NAMPT: variants seen among roughly 807,000 people sequenced by gnomAD.
NAMPT encodes the protein nicotinamide phosphoribosyltransferase.
In NAMPT, 7 loss-of-function variants were observed where a neutral mutation model predicts 58.7. The ratio of observed to expected loss-of-function variants is 0.12; its 90% confidence interval spans 0.07 to 0.22. The LOEUF is 0.22. Among genes scored for constraint, NAMPT ranks in the 10% least tolerant of loss-of-function variants. NAMPT has a pLI of 1.00. For synonymous variants in NAMPT, 145 were observed against 198.1 expected (o/e 0.73, Z 2.25); for missense variants, 271 against 567.9 (o/e 0.48, Z 5.31).
intron 1 of NAMPT, among the ~76,000 whole-genome samples, chr7:106,281,112 A>G (rs1450344089): frequency 1.3e-5 from 2 of 151,004 alleles, no homozygotes; most frequent in African/African-American, 2.4e-5. Flanking sequence ...TCTAGCCCTA[A>G]GTCAAATGAT....
intron 8 of NAMPT, among the ~76,000 whole-genome samples, chr7:106,260,819 C>G (rs554705260): frequency 1.3e-5 from 2 of 152,326 alleles, no homozygotes; most frequent in African/African-American, 4.8e-5. Context: ...GTGAAGGAGT[C>G]ACAACACACA....
intron 8 of NAMPT, among the ~76,000 whole-genome samples, chr7:106,259,686 G>A (rs917265733): frequency 7.9e-5 from 12 of 152,110 alleles, no homozygotes; most frequent in Admixed American, 4.6e-4. Context: ...GTCTCCCAAA[G>A]TGTGGGATTA....
rs763113727 is a variant in NAMPT, at chr7:106,261,543, A to G, written c.1089+45T>C. The G allele has an allele frequency of 1.7e-5, 23 of 1,392,586 alleles. No homozygotes were observed. In the Admixed American group the frequency reaches 2.0e-4, roughly 12 times the overall value. The allele number at this position is 1,392,586 out of a possible 1,614,324, so 86.3% of individuals were successfully genotyped here. A position where few individuals can be genotyped will look rare whatever the true frequency, so the allele number is the denominator to read the frequency against. On this transcript the variant is annotated intron_variant, in intron 8 of 10. Coordinates refer to ENST00000222553, the MANE Select transcript of NAMPT (RefSeq NM_005746.3). ...TCTTTATCAAACATAAACAAACTTA[A>G]TTATAAGAAATGCCTTATTGAAACT...
chr7:106,251,656 T>G (rs963726880), intron 10 of NAMPT, among the ~76,000 whole-genome samples: 2 of 152,056 alleles, frequency 1.3e-5, no homozygotes, highest in African/African-American at 2.4e-5. Flanking sequence ...AGTGCTAAAT[T>G]TGGGTCTAGA....
upstream of NAMPT, chr7:106,285,229 G>C (rs1792852615): frequency 4.9e-6 from 5 of 1,023,280 alleles, no homozygotes; most frequent in Non-Finnish European, 6.0e-6. Flanking sequence ...CGGGGAGGAG[G>C]ACGTGATGCA....
At chr7:106,272,399 T>A (rs1351896008) in intron 4 of NAMPT, 131 bp downstream of exon 4, 28 of 720,998 alleles carry the variant, frequency 3.9e-5, no homozygotes, top group Non-Finnish European at 5.4e-5. Context: ...GATGAGGAAA[T>A]TGAAGCCTGG....
intron 8 of NAMPT, among the ~76,000 whole-genome samples, chr7:106,259,840 G>GA (rs1172864880): frequency 6.6e-6 from 1 of 150,998 alleles, no homozygotes; most frequent in African/African-American, 2.4e-5. Flanking sequence ...ATCTCCATCA[G>GA]ATCTCAGATG....
Position 106,284,926 on chromosome 7 carries a change from G to A in NAMPT, c.-42C>T, listed in dbSNP as rs1297115840. 4.5e-6 allele frequency: 7 copies of A among 1,564,378 alleles called. No individual in the cohort carries two copies. The highest frequency in any genetic ancestry group is 5.2e-6 in the Non-Finnish European group (6 of 1,153,082). ...GGGGCCGCGCGCCGCGAGCTCCCTG[G>A]CGCGGCTGCGAGGAAGGAGAAAAAT... is the stretch of plus-strand genomic sequence containing the variant. On this transcript the variant is annotated 5_prime_UTR_variant, in exon 1 of 11. Transcript: ENST00000222553.
At chr7:106,281,851 G>T (rs751202680) in intron 1 of NAMPT, among the ~76,000 whole-genome samples, 3 of 152,056 alleles carry the variant, frequency 2.0e-5, no homozygotes, top group Non-Finnish European at 4.4e-5. Flanking sequence ...CTAATGACTT[G>T]TATCTCTTTT....
At chr7:106,284,570 C>A in intron 1 of NAMPT, 1 of 190,822 alleles carries the variant, frequency 5.2e-6, no homozygotes, top group Non-Finnish European at 9.8e-6. Flanking sequence ...CCCCCCGCCG[C>A]GCCGCCGCCG....
chr7:106,260,708 C>CAA (rs1792287652), intron 8 of NAMPT, among the ~76,000 whole-genome samples: 2 of 152,258 alleles, frequency 1.3e-5, no homozygotes, highest in South Asian at 4.1e-4. Flanking sequence ...CTTGAATACT[C>CAA]AGAGGCCACT....
At position 106,256,493 on chromosome 7, in the gene NAMPT, C is replaced by T. The variant is rs566102912; in HGVS notation, c.1090-1989G>A. On this transcript the variant is annotated intron_variant, in intron 8 of 10. Transcript: ENST00000222553. Reference sequence around the variant, plus strand: ...TACAAAGCAAAACTGAATTCTTTTTCCTGCTTCTAAGAACATATTTTTCAT... The same window carrying T: ...TACAAAGCAAAACTGAATTCTTTTTTCTGCTTCTAAGAACATATTTTTCAT... Among the ~76,000 whole-genome samples the T allele has an allele frequency of 7.2e-5, 11 of 152,288 alleles. No individual in the cohort carries two copies. The South Asian group carries it at 2.3e-3, about 32-fold the overall frequency.
intron 8 of NAMPT, 90 bp downstream of exon 8, chr7:106,261,498 A>G: frequency 1.9e-6 from 2 of 1,078,998 alleles, no homozygotes; most frequent in South Asian, 3.3e-5. Flanking sequence ...CAAAGACTTA[A>G]AATTGTATTT....
intron 4 of NAMPT, among the ~76,000 whole-genome samples, chr7:106,269,585 AAAT>A (rs1432534474): frequency 6.6e-6 from 1 of 152,360 alleles, no homozygotes; most frequent in African/African-American, 2.4e-5. Context: ...TCAAAGAAGC[AAAT>A]AATATTTTGA....
chr7:106,274,407 G>A (rs756227444), intron 3 of NAMPT, among the ~76,000 whole-genome samples: 21 of 151,890 alleles, frequency 1.4e-4, no homozygotes, highest in Non-Finnish European at 3.1e-4. Context: ...TTTAACATGG[G>A]GGATGCGGGG....
In NAMPT at chr7:106,250,960, G is replaced by C. The variant is rs1792095433; in HGVS notation, c.*123C>G. ...ACACTGGAAAAGAAAAAAAATGAAAGGGCAGTATGTCCATAAACCAACAAA... is the reference window on the plus strand; with the variant it reads ...ACACTGGAAAAGAAAAAAAATGAAACGGCAGTATGTCCATAAACCAACAAA... On this transcript the variant is annotated 3_prime_UTR_variant, in exon 11 of 11. Transcript: ENST00000222553. The C allele has an allele frequency of 1.5e-6, 1 of 675,774 alleles. No individual in the cohort carries two copies. Among genetic ancestry groups the C allele is most frequent in the Admixed American group, 2.9e-5 (1 of 34,350 alleles). The allele number at this position is 675,774 out of a possible 1,614,324, so 41.9% of individuals were successfully genotyped here.
In NAMPT at chr7:106,251,126, T is replaced by C; in HGVS notation, c.1433A>G (p.Lys478Arg). 1.2e-6 allele frequency: 2 copies of C among 1,603,790 alleles called. No individual in the cohort carries two copies. Among genetic ancestry groups the C allele is most frequent in the Non-Finnish European group, 1.7e-6 (2 of 1,170,964 alleles). ...TKSYSFDEIRKNAQLNIELEA... is the reference protein window; with the variant it reads ...TKSYSFDEIRRNAQLNIELEA... ...CAGTTCAATATTCAGCTGTGCATTT[T>C]TTCTTATTTCATCAAATGAATAGCT... is the stretch of plus-strand genomic sequence containing the variant. The change falls in exon 11 of 11, where the codon AAA becomes AGA. Residue 478 changes from lysine to arginine, a missense_variant. This residue lies in a region of NAMPT where 143 missense variants were observed against 331.1 expected (regional missense o/e 0.43). Transcript: ENST00000222553.
chr7:106,279,719 C>G (rs1029131267), intron 1 of NAMPT, among the ~76,000 whole-genome samples: 2 of 152,038 alleles, frequency 1.3e-5, no homozygotes, highest in African/African-American at 4.8e-5. Flanking sequence ...ATGACATGGT[C>G]TCTATTTTCA....
chr7:106,283,617 G>A (rs911248560), intron 1 of NAMPT, among the ~76,000 whole-genome samples: 7 of 152,128 alleles, frequency 4.6e-5, no homozygotes, highest in Non-Finnish European at 1.0e-4. Flanking sequence ...GTATTATCAC[G>A]TATACTTGAC....
Sources: allele counts gnomAD v4.1 joint callset (sites outside exome capture counted in the v4.1 genomes callset), GRCh38; gene constraint gnomAD v4.1.1; regional missense constraint gnomAD v4.1.1; transcripts MANE v1.5; gene names NCBI Gene and HGNC (gene_info 2026-07-23, HGNC 2026-07-21).